The following ARHGAP6 variants were observed in gnomAD, a reference collection of about 807,000 sequenced individuals.
ARHGAP6 encodes Rho GTPase activating protein 6.
ARHGAP6 carries 16 observed loss-of-function variants against 55.7 expected under a neutral mutation model. That is an observed-to-expected ratio of 0.29 (90% CI 0.19 to 0.44). The LOEUF is 0.44. Among genes scored for constraint, ARHGAP6 ranks in the 20% least tolerant of loss-of-function variants. The pLI is 1.00. For missense variants in ARHGAP6, 698 were observed against 808.9 expected, an observed-to-expected ratio of 0.86 and a Z score of 1.66; for synonymous variants, 382 against 360.9, an observed-to-expected ratio of 1.06 and a Z score of -0.66.
chrX:11,411,306 AATAT>A (rs1269621942), intron 1 of ARHGAP6, among the ~76,000 whole-genome samples: 1 of 100,031 alleles, frequency 1.0e-5, no homozygotes, highest in Admixed American at 1.1e-4. Context: ...AATAAACATA[AATAT>A]ATAAACAAAT....
At chrX:11,565,716 T>C (rs1226036648) in intron 1 of ARHGAP6, among the ~76,000 whole-genome samples, 2 of 112,643 alleles carry the variant, frequency 1.8e-5, no homozygotes, top group African/African-American at 3.2e-5. Context: ...CTCTCACTCC[T>C]GTAATAAATC....
intron 2 of ARHGAP6, among the ~76,000 whole-genome samples, chrX:11,232,915 A>T (rs1438698873): frequency 8.9e-6 from 1 of 111,755 alleles, no homozygotes; most frequent in African/African-American, 3.3e-5. Context: ...GAGTGTAAAA[A>T]CTTTATCATA....
At chrX:11,369,101 A>C (rs2147705697) in intron 1 of ARHGAP6, among the ~76,000 whole-genome samples, 1 of 111,529 alleles carries the variant, frequency 9.0e-6, no homozygotes, top group East Asian at 2.8e-4. Flanking sequence ...CCCCTCTGTA[A>C]AATTCTACAT....
At chrX:11,187,924 G>C (rs960995230) in intron 4 of ARHGAP6, among the ~76,000 whole-genome samples, 1 of 111,829 alleles carries the variant, frequency 8.9e-6, no homozygotes, top group Non-Finnish European at 1.9e-5. Context: ...CCCAGCTACC[G>C]GGGAGGTTGA....
At chrX:11,617,457 G>A (rs2052179389) in intron 1 of ARHGAP6, among the ~76,000 whole-genome samples, 1 of 111,871 alleles carries the variant, frequency 8.9e-6, no homozygotes, top group South Asian at 3.8e-4. Flanking sequence ...ATACGCATTT[G>A]TGATAGGCAA....
At chrX:11,503,693 C>T (rs151014511) in intron 1 of ARHGAP6, among the ~76,000 whole-genome samples, 1,396 of 111,386 alleles carry the variant, frequency 0.013, 22 homozygotes, top group African/African-American at 0.043. Context: ...TTCAGAGACA[C>T]GACTCTTTAT....
At chrX:11,259,381 A>AT (rs969856419) in intron 1 of ARHGAP6, among the ~76,000 whole-genome samples, 9 of 110,962 alleles carry the variant, frequency 8.1e-5, no homozygotes, top group African/African-American at 2.6e-4. Flanking sequence ...TTCTTTGTCC[A>AT]TTTTTTTTCC....
At chrX:11,514,241 G>A (rs1161209595) in intron 1 of ARHGAP6, among the ~76,000 whole-genome samples, 2 of 105,520 alleles carry the variant, frequency 1.9e-5, no homozygotes, top group Non-Finnish European at 3.9e-5. Flanking sequence ...TCTTGAAGGA[G>A]AACTCCCAGA....
chrX:11,629,647 A>G (rs772916790), intron 1 of ARHGAP6, among the ~76,000 whole-genome samples: 33 of 110,581 alleles, frequency 3.0e-4, no homozygotes, highest in Non-Finnish European at 5.7e-4. Context: ...ATTAAAGCAC[A>G]TACTCCCACG....
chrX:11,306,656 T>C (rs2048241424), intron 1 of ARHGAP6, among the ~76,000 whole-genome samples: 2 of 112,604 alleles, frequency 1.8e-5, no homozygotes, highest in African/African-American at 6.5e-5. Context: ...CCATTTTTTA[T>C]GAGTACCATT....
At chrX:11,169,868 A>G (rs1321041236) in intron 8 of ARHGAP6, among the ~76,000 whole-genome samples, 184 bp from the exon 9 acceptor site, 1 of 110,344 alleles carries the variant, frequency 9.1e-6, no homozygotes, top group African/African-American at 3.3e-5. Flanking sequence ...CTTGGATTGA[A>G]GCTCACAGTT....
chrX:11,559,010 TCTGCC>T (rs1185596095), intron 1 of ARHGAP6, among the ~76,000 whole-genome samples: 3 of 105,863 alleles, frequency 2.8e-5, no homozygotes, highest in Non-Finnish European at 5.8e-5. Context: ...TGTCCACTTG[TCTGCC>T]CTGTCCACAG....
chrX:11,620,951 C>A (rs186543528), intron 1 of ARHGAP6, among the ~76,000 whole-genome samples: 1 of 112,302 alleles, frequency 8.9e-6, no homozygotes, highest in Admixed American at 9.5e-5. Context: ...ATTTAAAAGA[C>A]GTCAACACAG....
At chrX:11,338,197 C>T (rs2048663831) in intron 1 of ARHGAP6, among the ~76,000 whole-genome samples, 1 of 111,597 alleles carries the variant, frequency 9.0e-6, no homozygotes, top group Non-Finnish European at 1.9e-5. Flanking sequence ...GACAAACAAA[C>T]CATGTCCAAA....
intron 1 of ARHGAP6, among the ~76,000 whole-genome samples, chrX:11,544,876 G>A (rs925901821): frequency 8.9e-6 from 1 of 112,375 alleles, no homozygotes; most frequent in African/African-American, 3.2e-5. Context: ...TAGGGCCAAC[G>A]CTATTTGTCA....
chrX:11,142,462 G>A (rs950725680), intron 11 of ARHGAP6, 149 bp from the exon 12 acceptor site: 18 of 297,291 alleles, frequency 6.1e-5, no homozygotes, highest in South Asian at 9.1e-5. Context: ...ACCTTTCAGC[G>A]TGTTCATTCT....
intron 1 of ARHGAP6, among the ~76,000 whole-genome samples, chrX:11,384,910 T>A (rs1251212957): frequency 9.0e-6 from 1 of 111,276 alleles, no homozygotes; most frequent in Non-Finnish European, 1.9e-5. Flanking sequence ...AACCCTCCAG[T>A]CCTGGAAAAA....
In ARHGAP6 at chrX:11,308,766, C is replaced by T. The variant is rs1020926194; in HGVS notation, c.589-54059G>A. On this transcript the variant is annotated intron_variant, in intron 1 of 12. Transcript: ENST00000337414. ...GGACTGGAACAGTAACATTAAGACC[C>T]ATGCAACAGTAACATTATAAGCCAA... Among the ~76,000 whole-genome samples, 4 of 112,124 alleles carry T rather than the reference C, an allele frequency of 3.6e-5. No individual in the cohort carries two copies. In the Admixed American group the frequency reaches 3.8e-4, roughly 11 times the overall value.
intron 1 of ARHGAP6, among the ~76,000 whole-genome samples, chrX:11,379,489 T>C (rs1368226630): frequency 1.8e-5 from 2 of 112,077 alleles, no homozygotes; most frequent in East Asian, 2.8e-4. Context: ...CTTTCAAAGA[T>C]GACAATGAGG....
Sources: allele counts gnomAD v4.1 joint callset (sites outside exome capture counted in the v4.1 genomes callset), GRCh38; gene constraint gnomAD v4.1.1; transcripts MANE v1.5; gene names NCBI Gene and HGNC (gene_info 2026-07-23, HGNC 2026-07-21).